Variants in UGT2A2 observed in about 807,000 individuals in gnomAD.
UGT2A2 encodes the protein UDP-glucuronosyltransferase 2A2.
UGT2A2 carries 60 observed loss-of-function variants against 50.7 expected under a neutral mutation model. That is an observed-to-expected ratio of 1.18 (90% CI 0.96 to 1.47). The LOEUF (loss-of-function observed/expected upper bound fraction) is 1.47. Among genes scored for constraint, UGT2A2 ranks in the 40% most tolerant of loss-of-function variants. The probability of loss-of-function intolerance (pLI) is 0.00; values close to 1 mark genes in which losing one functional copy is unlikely to be tolerated. For synonymous variants in UGT2A2, 242 were observed against 214.6 expected (o/e 1.13, Z -1.11); for missense variants, 762 against 634.0 (o/e 1.20, Z -2.17).
At chr4:69,628,073 T>G (rs1302111229) in intron 1 of UGT2A2, among the ~76,000 whole-genome samples, 1 of 151,968 alleles carries the variant, frequency 6.6e-6, no homozygotes, top group Middle Eastern at 3.2e-3. Flanking sequence ...CAAGAAATTA[T>G]TGCCAAGGTC....
intron 1 of UGT2A2, among the ~76,000 whole-genome samples, chr4:69,623,919 C>A (rs1720894953): frequency 6.6e-6 from 1 of 151,380 alleles, no homozygotes; most frequent in Non-Finnish European, 1.5e-5. Context: ...TTAATGCTGG[C>A]CAGAATGCCC....
intron 1 of UGT2A2, among the ~76,000 whole-genome samples, chr4:69,637,186 C>A (rs1229591807): frequency 6.6e-6 from 1 of 151,924 alleles, no homozygotes; most frequent in Admixed American, 6.6e-5. Flanking sequence ...TTAAATTATG[C>A]CTTAAAGGAA....
In UGT2A2 at chr4:69,639,156, G is replaced by T; in HGVS notation, c.485C>A (p.Thr162Lys). ...CAGAGCAACAAGATCACCACAGATT[G>T]TTACTGGGTCTGCTACCAACACATC... Reference protein sequence around the residue: ...GFDVLVADPVTICGDLVALKL... With the variant: ...GFDVLVADPVKICGDLVALKL... Residue 162 changes from threonine (T) to lysine (K), a missense_variant, in exon 1 of 6, where the codon ACA (threonine) becomes AAA (lysine). By Grantham distance (78) the Thr-to-Lys change is moderately conservative (BLOSUM62 -1). Transcript: ENST00000604629. 4 of 1,613,640 alleles carry T rather than the reference G, an allele frequency of 2.5e-6. No individual in the cohort carries two copies. The highest frequency in any genetic ancestry group is 3.4e-6 in the Non-Finnish European group (4 of 1,179,732).
chr4:69,601,629 C>T (rs557408406), intron 1 of UGT2A2, among the ~76,000 whole-genome samples: 6 of 152,186 alleles, frequency 3.9e-5, no homozygotes, highest in Admixed American at 1.3e-4. Context: ...CATGCCAGTA[C>T]GTTACTACCA....
chr4:69,626,836 T>C (rs1721087857), intron 1 of UGT2A2, among the ~76,000 whole-genome samples: 1 of 151,836 alleles, frequency 6.6e-6, no homozygotes, highest in African/African-American at 2.4e-5. Flanking sequence ...TTATTTTGCT[T>C]CTCAAATTGT....
At chr4:69,614,445 T>C (rs1720251456) in intron 1 of UGT2A2, among the ~76,000 whole-genome samples, 1 of 127,792 alleles carries the variant, frequency 7.8e-6, no homozygotes, top group African/African-American at 3.1e-5. Context: ...CCAATAAAAT[T>C]CTTCACAAAT....
At chr4:69,593,967 CT>C (rs200066453) in intron 5 of UGT2A2, among the ~76,000 whole-genome samples, 1 of 107,812 alleles carries the variant, frequency 9.3e-6, no homozygotes. Context: ...TATTTGAAGT[CT>C]TTTTTTTTGT....
chr4:69,589,235 A>C lies in UGT2A2; in HGVS notation c.*137T>G. The C allele has an allele frequency of 8.8e-7, 1 of 1,130,362 alleles. No individual in the cohort carries two copies. Among genetic ancestry groups the C allele is most frequent in the Non-Finnish European group, 1.2e-6 (1 of 834,876 alleles). The allele number at this position is 1,130,362 out of a possible 1,614,324, so 70.0% of individuals were successfully genotyped here. The stretch of plus-strand genomic sequence containing the variant: ...TAGGCTTTATCAGTAGGCTTATCGC[A>C]GGTAGAGAAATAGAAAATTTGGAAA... On this transcript the variant is annotated 3_prime_UTR_variant, in exon 6 of 6. Transcript: ENST00000604629.
intron 1 of UGT2A2, among the ~76,000 whole-genome samples, chr4:69,633,653 G>A (rs987943245): frequency 2.0e-5 from 3 of 152,092 alleles, no homozygotes; most frequent in Non-Finnish European, 2.9e-5. Flanking sequence ...CAACTTGTAC[G>A]AATTTCAAAA....
At chr4:69,632,306 A>C (rs1010868369) in intron 1 of UGT2A2, among the ~76,000 whole-genome samples, 1 of 152,192 alleles carries the variant, frequency 6.6e-6, no homozygotes, top group Non-Finnish European at 1.5e-5. Flanking sequence ...TTTGGGGTTA[A>C]TAAGGGGTCT....
intron 5 of UGT2A2, among the ~76,000 whole-genome samples, chr4:69,592,669 T>C (rs1718654689): frequency 6.6e-6 from 1 of 151,984 alleles, no homozygotes; most frequent in Non-Finnish European, 1.5e-5. Context: ...GAATTAATAA[T>C]AGTAAAAATT....
intron 1 of UGT2A2, among the ~76,000 whole-genome samples, chr4:69,602,536 AC>A (rs1719358273): frequency 7.3e-6 from 1 of 137,232 alleles, no homozygotes; most frequent in Non-Finnish European, 1.6e-5. Flanking sequence ...CAAATCCAAA[AC>A]AATATACAGA....
chr4:69,617,723 T>C (rs896155026), intron 1 of UGT2A2, among the ~76,000 whole-genome samples: 2 of 151,820 alleles, frequency 1.3e-5, no homozygotes, highest in African/African-American at 2.4e-5. Context: ...TATTCATTAT[T>C]GGGAGTTAAC....
rs753319227 is a variant in UGT2A2, at chr4:69,639,590, C to G, written c.51G>C (p.Leu17=). The change falls in exon 1 of 6, where the codon CTG becomes CTC. Residue 17 remains leucine, a synonymous_variant. Transcript: ENST00000604629. ...CTTCAGTCAGAGTCAAATTAAAAAC[C>G]AGCATCTGGACAAACTTCTTAGGCA... ...FTMPKKFVQM[L]VFNLTLTEVV... is the part of the protein sequence containing the mutation. The G allele has an allele frequency of 6.2e-7, 1 of 1,609,256 alleles. No homozygotes were observed. The highest frequency in any genetic ancestry group is 8.5e-7 in the Non-Finnish European group (1 of 1,178,040).
In UGT2A2 at chr4:69,589,559, A is replaced by C; in HGVS notation, c.1424T>G (p.Met475Arg). 4 of 1,614,122 alleles carry C rather than the reference A, an allele frequency of 2.5e-6. No individual in the cohort carries two copies. Among genetic ancestry groups the C allele is most frequent in the Non-Finnish European group, 3.4e-6 (4 of 1,179,962 alleles). ...DRAVFWIEFV[M>R]RHKGAKHLRV... ...AAGGTGCTTGGCTCCTTTGTGGCGC[A>C]TGACAAACTCGATCCAGAAGACTGC... is the stretch of plus-strand genomic sequence containing the variant. The change falls in exon 6 of 6, where the codon ATG becomes AGG. Residue 475 changes from methionine to arginine, a missense_variant. Coordinates refer to ENST00000604629, the MANE Select transcript of UGT2A2 (RefSeq NM_001105677.2).
At chr4:69,635,867 A>AATAAG (rs1028690022) in intron 1 of UGT2A2, 1 of 148,438 alleles carries the variant, frequency 6.7e-6, no homozygotes, top group African/African-American at 2.5e-5. Flanking sequence ...GAGAGAGAGA[A>AATAAG]ATAAGGTTCA....
At chr4:69,605,809 A>T (rs1719573715) in intron 1 of UGT2A2, among the ~76,000 whole-genome samples, 1 of 137,288 alleles carries the variant, frequency 7.3e-6, no homozygotes, top group African/African-American at 2.9e-5. Context: ...ACACAAATAA[A>T]CTAGAAAATC....
chr4:69,612,990 G>T (rs1328230448), intron 1 of UGT2A2, among the ~76,000 whole-genome samples: 2 of 148,836 alleles, frequency 1.3e-5, no homozygotes, highest in Admixed American at 6.7e-5. Flanking sequence ...TTTAATAAAG[G>T]TCTAATATCC....
At chr4:69,592,320 A>G (rs1718638523) in intron 5 of UGT2A2, among the ~76,000 whole-genome samples, 1 of 152,192 alleles carries the variant, frequency 6.6e-6, no homozygotes, top group Non-Finnish European at 1.5e-5. Context: ...AAGCACCCAC[A>G]CAAATTCAGA....
Sources: gnomAD v4.1 joint callset for allele counts (sites outside exome capture counted in the v4.1 genomes callset) on GRCh38, gnomAD v4.1.1 for gene constraint, MANE v1.5 for transcripts, NCBI Gene and HGNC (gene_info 2026-07-23, HGNC 2026-07-21) for gene names.